TMEM132D: variants seen among roughly 807,000 people sequenced by gnomAD.
TMEM132D encodes the protein mature OL transmembrane protein.
A neutral mutation model predicts 62.3 loss-of-function variants in TMEM132D; 21 were observed. The ratio of observed to expected loss-of-function variants is 0.34; its 90% CI spans 0.24 to 0.49. The LOEUF (loss-of-function observed/expected upper bound fraction) is 0.49. Ranked by LOEUF, TMEM132D falls within the 20% of genes least tolerant of loss-of-function variation. TMEM132D has a pLI of 0.99. For missense variants in TMEM132D, 1,346 were observed against 1,402.8 expected, an observed-to-expected ratio of 0.96 and a Z score of 0.65; for synonymous variants, 621 against 575.6, an observed-to-expected ratio of 1.08 and a Z score of -1.13.
At chr12:129,456,179 C>T (rs567578307) in intron 3 of TMEM132D, among the ~76,000 whole-genome samples, 1 of 152,248 alleles carries the variant, frequency 6.6e-6, no homozygotes, top group Admixed American at 6.5e-5. Flanking sequence ...ATATTACTCT[C>T]CCCACTAATG....
chr12:129,239,774 A>C (rs548911503), intron 4 of TMEM132D, among the ~76,000 whole-genome samples: 1 of 152,212 alleles, frequency 6.6e-6, no homozygotes, highest in East Asian at 1.9e-4. Flanking sequence ...GAGACAGAGC[A>C]TGGTTCTGCT....
intron 1 of TMEM132D, among the ~76,000 whole-genome samples, chr12:129,887,906 G>A (rs997813180): frequency 1.3e-5 from 2 of 152,218 alleles, no homozygotes; most frequent in East Asian, 1.9e-4. Flanking sequence ...AATCAGATAT[G>A]CAGAACTTAA....
chr12:129,615,984 T>C (rs1466610908), intron 2 of TMEM132D, among the ~76,000 whole-genome samples: 2 of 152,136 alleles, frequency 1.3e-5, no homozygotes, highest in African/African-American at 4.8e-5. Flanking sequence ...CATTCAGATG[T>C]GCAATGGCTG....
chr12:129,846,021 G>C (rs1456298222), intron 1 of TMEM132D, among the ~76,000 whole-genome samples: 1 of 152,166 alleles, frequency 6.6e-6, no homozygotes, highest in African/African-American at 2.4e-5. Context: ...GCAGCTTTTG[G>C]GTGTTACCAT....
intron 5 of TMEM132D, among the ~76,000 whole-genome samples, chr12:129,093,259 T>C (rs904352780): frequency 6.6e-6 from 1 of 152,184 alleles, no homozygotes; most frequent in Admixed American, 6.5e-5. Flanking sequence ...TGTTTGCAGA[T>C]GACATGATTG....
intron 5 of TMEM132D, among the ~76,000 whole-genome samples, chr12:129,129,812 A>G (rs1876319487): frequency 1.3e-5 from 2 of 152,066 alleles, no homozygotes; most frequent in African/African-American, 4.8e-5. Flanking sequence ...CCTGTTCATG[A>G]ATGCAACTCT....
At chr12:129,482,238 G>A (rs141933378) in intron 3 of TMEM132D, among the ~76,000 whole-genome samples, 4 of 152,306 alleles carry the variant, frequency 2.6e-5, no homozygotes, top group African/African-American at 7.2e-5. Flanking sequence ...TGTGTGTAGC[G>A]TGGCAAAACA....
chr12:129,592,093 A>T (rs996029550), intron 2 of TMEM132D, among the ~76,000 whole-genome samples: 2 of 152,214 alleles, frequency 1.3e-5, no homozygotes, highest in Non-Finnish European at 2.9e-5. Context: ...AAAAAGTACC[A>T]TGTTTTATTA....
At chr12:129,583,771 A>T (rs567798402) in intron 2 of TMEM132D, among the ~76,000 whole-genome samples, 2 of 152,194 alleles carry the variant, frequency 1.3e-5, no homozygotes, top group Non-Finnish European at 2.9e-5. Flanking sequence ...AGAAAGCATC[A>T]CCCAAGTGCA....
rs147174266 is a variant in TMEM132D, at chr12:129,141,908, G to A, written c.1444-57206C>T. ...GCAATAAACCTGCACATGTACCCCC[G>A]GAATCTATAATAAAAGTTAAAATTA... is the stretch of plus-strand genomic sequence containing the variant. On this transcript the variant is annotated intron_variant, in intron 5 of 8. Transcript: ENST00000422113. Among the ~76,000 whole-genome samples the A allele has an allele frequency of 4.8e-3, 727 of 150,100 alleles. 4 individuals carry two copies. Among genetic ancestry groups the A allele is most frequent in the African/African-American group, 0.016 (668 of 40,818 alleles).
intron 1 of TMEM132D, among the ~76,000 whole-genome samples, chr12:129,731,380 T>C (rs1024492572): frequency 6.6e-6 from 1 of 151,820 alleles, no homozygotes; most frequent in Non-Finnish European, 1.5e-5. Context: ...AAAAAGCAGG[T>C]AATGTAGATA....
chr12:129,442,143 G>A (rs1461787021), intron 3 of TMEM132D, among the ~76,000 whole-genome samples: 1 of 152,124 alleles, frequency 6.6e-6, no homozygotes, highest in African/African-American at 2.4e-5. Context: ...AACAAAAGTT[G>A]CAAAAGAAAA....
chr12:129,404,388 G>A (rs1871711246), intron 3 of TMEM132D, among the ~76,000 whole-genome samples: 2 of 152,044 alleles, frequency 1.3e-5, no homozygotes, highest in Admixed American at 6.5e-5. Flanking sequence ...GTAGAGATGG[G>A]GTTTCGCCAT....
At chr12:129,512,656 G>A (rs1024723672) in intron 3 of TMEM132D, among the ~76,000 whole-genome samples, 2 of 152,178 alleles carry the variant, frequency 1.3e-5, no homozygotes, top group East Asian at 1.9e-4. Flanking sequence ...GATCAACTAG[G>A]GGCTAGGTGC....
chr12:129,079,863 G>T (rs1167757238), intron 7 of TMEM132D, among the ~76,000 whole-genome samples: 1 of 150,196 alleles, frequency 6.7e-6, no homozygotes, highest in African/African-American at 2.5e-5. Flanking sequence ...AGGCTCGCAG[G>T]AGTAGAGGCC....
chr12:129,298,435 T>G (rs1283596218), intron 4 of TMEM132D, among the ~76,000 whole-genome samples: 1 of 152,220 alleles, frequency 6.6e-6, no homozygotes, highest in Non-Finnish European at 1.5e-5. Context: ...AGCATATCCA[T>G]CACACATTTA....
chr12:129,105,728 C>T (rs1470716517), intron 5 of TMEM132D, among the ~76,000 whole-genome samples: 1 of 151,302 alleles, frequency 6.6e-6, no homozygotes, highest in Admixed American at 6.6e-5. Flanking sequence ...TACCATCTCA[C>T]ACCAGTTAGG....
intron 5 of TMEM132D, among the ~76,000 whole-genome samples, chr12:129,185,954 G>C (rs1424778161): frequency 6.6e-6 from 1 of 152,158 alleles, no homozygotes; most frequent in Non-Finnish European, 1.5e-5. Flanking sequence ...CAACACCCTG[G>C]AAAACCTCTA....
intron 2 of TMEM132D, among the ~76,000 whole-genome samples, chr12:129,536,199 T>C (rs73155264): frequency 0.42 from 63,123 of 152,032 alleles, 13,449 homozygotes; most frequent in South Asian, 0.49. Context: ...ATCTCCATTT[T>C]TGAGTCCATA....
Sources: allele counts gnomAD v4.1 joint callset (sites outside exome capture counted in the v4.1 genomes callset), GRCh38; gene constraint gnomAD v4.1.1; transcripts MANE v1.5; gene names NCBI Gene and HGNC (gene_info 2026-07-23, HGNC 2026-07-21).